Variants in STRBP observed in about 807,000 individuals in gnomAD.
STRBP encodes spermatid perinuclear RNA binding protein.
In STRBP, 13 loss-of-function variants were observed where a neutral mutation model predicts 80.1. The ratio of observed to expected loss-of-function variants is 0.16; its 90% CI spans 0.11 to 0.26. STRBP has a LOEUF of 0.26. Among genes scored for constraint, STRBP ranks in the 10% least tolerant of loss-of-function variants. The pLI is 1.00. For synonymous variants in STRBP, 284 were observed against 291.2 expected (o/e 0.98, Z 0.25); for missense variants, 485 against 815.2 (o/e 0.59, Z 4.93).
chr9:123,125,410 C>CTTT lies in STRBP; in HGVS notation c.*184_*186dup, dbSNP rs11399013. 249 of 1,008,120 alleles carry CTTT rather than the reference C, an allele frequency of 2.5e-4. No individual in the cohort carries two copies. Among genetic ancestry groups the CTTT allele is most frequent in the East Asian group, 1.8e-3 (44 of 24,890 alleles). 62.4% of individuals were successfully genotyped at this position (1,008,120 alleles called of 1,614,324 possible). ...GGTACCGTTTTCACAGAACTGGTTT[C>CTTT]TTTTTTTTTTTTCAAGTTTTAGAGA... On this transcript the variant is annotated 3_prime_UTR_variant, in exon 19 of 19. Coordinates refer to ENST00000348403, the MANE Select transcript of STRBP (RefSeq NM_018387.5).
At chr9:123,194,997 C>G (rs550813949) in intron 2 of STRBP, among the ~76,000 whole-genome samples, 6 of 152,070 alleles carry the variant, frequency 3.9e-5, no homozygotes, top group Non-Finnish European at 8.8e-5. Context: ...ACTTTAAATA[C>G]CATCTATATA....
chr9:123,250,624 C>A (rs2040893691), intron 1 of STRBP, among the ~76,000 whole-genome samples: 1 of 152,170 alleles, frequency 6.6e-6, no homozygotes, highest in Admixed American at 6.5e-5. Flanking sequence ...AGCCATTTCT[C>A]AGGAATGAAC....
chr9:123,169,491 G>A (rs961269255), intron 6 of STRBP, among the ~76,000 whole-genome samples: 5 of 152,076 alleles, frequency 3.3e-5, no homozygotes, highest in Non-Finnish European at 5.9e-5. Context: ...TAATTTTGGA[G>A]CAATGAGTAA....
chr9:123,207,680 C>G (rs997653111), intron 2 of STRBP, among the ~76,000 whole-genome samples: 1 of 151,982 alleles, frequency 6.6e-6, no homozygotes, highest in African/African-American at 2.4e-5. Context: ...ATGTGTATAC[C>G]TATTCACAAA....
chr9:123,124,236 C>T lies in STRBP; in HGVS notation c.*1361G>A, dbSNP rs1588441509. The T allele has an allele frequency of 1.0e-6, 1 of 985,394 alleles. No homozygotes were observed. The highest frequency in any genetic ancestry group is 1.7e-5 in the African/African-American group (1 of 57,354). The allele number at this position is 985,394 out of a possible 1,614,324, so 61.0% of individuals were successfully genotyped here. ...TAGGGAAAATGAAAGCTAATTCATACTAAAAACAGACATTTTTAAGACATG... is the reference window on the plus strand; with the variant it reads ...TAGGGAAAATGAAAGCTAATTCATATTAAAAACAGACATTTTTAAGACATG... On this transcript the variant is annotated 3_prime_UTR_variant, in exon 19 of 19. Coordinates refer to ENST00000348403, the MANE Select transcript of STRBP (RefSeq NM_018387.5).
Position 123,136,557 on chromosome 9 carries a change from T to A in STRBP, c.1498-42A>T, listed in dbSNP as rs377353620. ...ATCTGAAGGTTCAATCAAGTAAGAT[T>A]TTAGAATATTACATTTCTTATTAAT... On this transcript the variant is annotated intron_variant, in intron 14 of 18. Coordinates refer to ENST00000348403, the MANE Select transcript of STRBP (RefSeq NM_018387.5). The surrounding 1 kb of genome is among the most constrained non-coding windows in gnomAD (Gnocchi z 4.2). The A allele has an allele frequency of 6.3e-7, 1 of 1,598,338 alleles. No individual in the cohort carries two copies. The highest frequency in any genetic ancestry group is 8.5e-7 in the Non-Finnish European group (1 of 1,174,874).
chr9:123,244,087 T>C (rs1478626109), intron 1 of STRBP, among the ~76,000 whole-genome samples: 1 of 152,210 alleles, frequency 6.6e-6, no homozygotes, highest in South Asian at 2.1e-4. Context: ...CTGTGGTTCA[T>C]CCACTATAGG....
At chr9:123,224,488 C>CA (rs1028046252) in intron 2 of STRBP, among the ~76,000 whole-genome samples, 1 of 152,122 alleles carries the variant, frequency 6.6e-6, no homozygotes, top group African/African-American at 2.4e-5. Flanking sequence ...TAAAAAATGC[C>CA]AAGATAATTC....
chr9:123,128,863 A>G (rs2036009303), intron 17 of STRBP, among the ~76,000 whole-genome samples: 1 of 152,260 alleles, frequency 6.6e-6, no homozygotes, highest in Non-Finnish European at 1.5e-5. Flanking sequence ...GCCCAAGTAC[A>G]GGGTCTCTCT....
chr9:123,257,749 T>G (rs889591019), intron 1 of STRBP, among the ~76,000 whole-genome samples: 1 of 152,042 alleles, frequency 6.6e-6, no homozygotes, highest in East Asian at 1.9e-4. Flanking sequence ...CCTAGGAGGT[T>G]GAGGCTGCAG....
At chr9:123,212,537 G>A (rs376233836) in intron 2 of STRBP, 1 of 152,148 alleles carries the variant, frequency 6.6e-6, no homozygotes, top group African/African-American at 2.4e-5. Flanking sequence ...AACAAGCAAC[G>A]CCAGCAATGA....
rs1241998985 is a variant in STRBP, at chr9:123,170,096, T to A, written c.391-50A>T. On this transcript the variant is annotated intron_variant, in intron 5 of 18. Coordinates refer to ENST00000348403, the MANE Select transcript of STRBP (RefSeq NM_018387.5). ...TCACCCAGTTAATTAGACTGAAACC[T>A]CAAAAGAAAAAAAAACAATGCTTGT... is the stretch of plus-strand genomic sequence containing the variant. 9 of 1,525,762 alleles carry A rather than the reference T, an allele frequency of 5.9e-6. No individual in the cohort carries two copies. The Admixed American group carries it at 8.5e-5, about 14-fold the overall frequency. 94.5% of individuals were successfully genotyped at this position (1,525,762 alleles called of 1,614,324 possible). A position where few individuals can be genotyped will look rare whatever the true frequency, so the allele number is the denominator to read the frequency against.
intron 3 of STRBP, among the ~76,000 whole-genome samples, chr9:123,182,421 G>C (rs2038516982): frequency 6.6e-6 from 1 of 151,822 alleles, no homozygotes; most frequent in Non-Finnish European, 1.5e-5. Context: ...AATAAACTAA[G>C]GAAGACATCT....
Position 123,115,528 on chromosome 9 carries a change from T to C in STRBP, c.*84+401A>G. On this transcript the variant is annotated intron_variant and NMD_transcript_variant, in intron 3 of 3. Transcript: ENST00000471564. This position sits in a 1 kb window ranked among gnomAD's most constrained non-coding sequence, Gnocchi z 5.0. ...CATCTGGGTCAATGATTTCACCTTC[T>C]ACTCAGTTGTCTAAGCTGCAGATTC... The C allele has an allele frequency of 2.7e-6, 1 of 373,754 alleles. No individual in the cohort carries two copies. The highest frequency in any genetic ancestry group is 2.1e-5 in the South Asian group (1 of 48,486). 23.2% of individuals were successfully genotyped at this position (373,754 alleles called of 1,614,324 possible).
downstream of STRBP, among the ~76,000 whole-genome samples, chr9:123,117,812 C>T (rs562734506): frequency 3.3e-5 from 5 of 152,304 alleles, no homozygotes; most frequent in Non-Finnish European, 4.4e-5. Context: ...AACATGCACT[C>T]GGAAAATATA....
rs925359551 is a variant in STRBP at position 123,122,224 on chromosome 9, C to G, written c.*3373G>C. On this transcript the variant is annotated 3_prime_UTR_variant, in exon 19 of 19. Coordinates refer to ENST00000348403, the MANE Select transcript of STRBP (RefSeq NM_018387.5). ...ATACTGAGATCACAGCTTACAGTCACTATATCTCAGCCTATTTTATACAAG... is the reference window on the plus strand; with the variant it reads ...ATACTGAGATCACAGCTTACAGTCAGTATATCTCAGCCTATTTTATACAAG... 1.1e-6 allele frequency: 1 copy of G among 875,422 alleles called. No homozygotes were observed. The highest frequency in any genetic ancestry group is 1.6e-6 in the Non-Finnish European group (1 of 618,542). 54.2% of individuals were successfully genotyped at this position (875,422 alleles called of 1,614,324 possible).
At chr9:123,233,493 T>C (rs1335046252) in intron 2 of STRBP, among the ~76,000 whole-genome samples, 2 of 152,146 alleles carry the variant, frequency 1.3e-5, no homozygotes, top group Non-Finnish European at 2.9e-5. Flanking sequence ...TATTTTGAAA[T>C]GAAGCAAAAA....
At chr9:123,166,438 G>T (rs2037761749) in intron 6 of STRBP, among the ~76,000 whole-genome samples, 1 of 152,082 alleles carries the variant, frequency 6.6e-6, no homozygotes, top group South Asian at 2.1e-4. Flanking sequence ...CCTACCCAAG[G>T]TCACACAGCA....
chr9:123,173,807 C>T lies in STRBP; in HGVS notation c.260G>A (p.Arg87Lys). ...CAAGCCTTTTGCAACCAGGCCAATC[C>T]TCATTACACCACACAATGTCCGACC... is the stretch of plus-strand genomic sequence containing the variant. ...QGGRTLCGVM[R>K]IGLVAKGLLI... The change falls in exon 5 of 19, where the codon AGG becomes AAG. Residue 87 changes from arginine to lysine, a missense_variant. Around this residue, in one of 3 missense-constraint regions of STRBP, gnomAD observed 377 missense variants for 616.1 expected, o/e 0.61. Transcript: ENST00000348403. 6.2e-7 allele frequency: 1 copy of T among 1,612,502 alleles called. No individual in the cohort carries two copies. The highest frequency in any genetic ancestry group is 8.5e-7 in the Non-Finnish European group (1 of 1,179,504).
Sources: allele counts gnomAD v4.1 joint callset (sites outside exome capture counted in the v4.1 genomes callset), GRCh38; gene constraint gnomAD v4.1.1; regional missense constraint gnomAD v4.1.1; non-coding constraint Gnocchi (gnomAD v3.1); transcripts MANE v1.5; gene names NCBI Gene and HGNC (gene_info 2026-07-23, HGNC 2026-07-21).